The following GSAP variants were observed in gnomAD, a reference collection of about 807,000 sequenced individuals.
GSAP encodes the protein gamma-secretase activating protein, also known as gamma-secretase-activating protein.
In GSAP, 118 loss-of-function variants were observed where a neutral mutation model predicts 131.7. That is an observed-to-expected ratio of 0.90 (90% CI 0.77 to 1.04). The LOEUF (loss-of-function observed/expected upper bound fraction) is 1.04, where lower values mean the gene tolerates loss of function less well. Among genes scored for constraint, GSAP ranks in the 50% least tolerant of loss-of-function variants. The pLI is 0.00. For missense variants in GSAP, 1,019 were observed against 1,013.2 expected (o/e 1.01, Z -0.08); for synonymous variants, 381 against 363.4 (o/e 1.05, Z -0.55).
rs934159869 is a variant in GSAP, at chr7:77,335,167, A to G, written c.1546-4800T>C. 3.3e-5 allele frequency among the ~76,000 whole-genome samples: 5 copies of G among 152,290 alleles called. No homozygotes were observed. In the East Asian group the frequency reaches 7.7e-4, roughly 24 times the overall value. The stretch of plus-strand genomic sequence containing the variant: ...GCAATCCCAGCACTTTGGGAGGCCA[A>G]GATGCGTGGATCACTTGAGCTCAGA... On this transcript the variant is annotated intron_variant, in intron 19 of 30. Transcript: ENST00000257626.
At chr7:77,334,960 G>C (rs1416925563) in intron 19 of GSAP, among the ~76,000 whole-genome samples, 2 of 152,048 alleles carry the variant, frequency 1.3e-5, no homozygotes, top group African/African-American at 2.4e-5. Flanking sequence ...GCGGGCGCCT[G>C]TAATCCCAGC....
chr7:77,401,030 G>A, intron 3 of GSAP, among the ~76,000 whole-genome samples: 1 of 148,872 alleles, frequency 6.7e-6, no homozygotes, highest in Non-Finnish European at 1.5e-5. Context: ...AACAATAGAA[G>A]TTACCTAATT....
intron 1 of GSAP, among the ~76,000 whole-genome samples, chr7:77,412,551 A>T (rs2151224159): frequency 6.6e-6 from 1 of 152,252 alleles, no homozygotes; most frequent in African/African-American, 2.4e-5. Context: ...AGGCACCATC[A>T]CAAACCGAAA....
intron 12 of GSAP, among the ~76,000 whole-genome samples, chr7:77,370,985 A>C (rs1460835672): frequency 6.6e-6 from 1 of 151,944 alleles, no homozygotes; most frequent in Non-Finnish European, 1.5e-5. Context: ...CCTAACCTTT[A>C]TATATTTATG....
At chr7:77,327,798 A>C (rs897623164) in intron 22 of GSAP, among the ~76,000 whole-genome samples, 38 of 151,890 alleles carry the variant, frequency 2.5e-4, no homozygotes, top group Non-Finnish European at 5.1e-4. Context: ...CCCTCTGGGG[A>C]GCCTCTTCCA....
intron 16 of GSAP, 186 bp from the exon 17 acceptor site, chr7:77,353,827 T>G (rs755066983): frequency 4.2e-6 from 2 of 478,474 alleles, no homozygotes; most frequent in Non-Finnish European, 7.4e-6. Context: ...AACGGTATTT[T>G]ATAAGTGAGA....
intron 12 of GSAP, among the ~76,000 whole-genome samples, chr7:77,373,405 TAACTC>T (rs1219842446): frequency 3.9e-5 from 6 of 152,334 alleles, no homozygotes; most frequent in African/African-American, 7.2e-5. Flanking sequence ...AAATGCTACT[TAACTC>T]AAGTAGTAAA....
chr7:77,368,513 G>T (rs1795643305), intron 12 of GSAP, among the ~76,000 whole-genome samples: 2 of 152,208 alleles, frequency 1.3e-5, no homozygotes, highest in African/African-American at 4.8e-5. Flanking sequence ...AGATGCCCAG[G>T]TTCCACATCA....
intron 18 of GSAP, 89 bp downstream of exon 18, chr7:77,352,855 C>A: frequency 2.7e-6 from 2 of 731,432 alleles, no homozygotes; most frequent in Non-Finnish European, 4.7e-6. Flanking sequence ...GAAATCACGA[C>A]CTTGATGGCT....
At chr7:77,357,305 T>A (rs1206503721) in intron 14 of GSAP, among the ~76,000 whole-genome samples, 1 of 152,156 alleles carries the variant, frequency 6.6e-6, no homozygotes, top group Non-Finnish European at 1.5e-5. Flanking sequence ...CTCCTGAAGA[T>A]ATGCACGTGC....
rs1186329601 is a variant in GSAP, at chr7:77,349,296, C to G, written c.1545+55G>C. 3.0e-6 allele frequency: 4 copies of G among 1,341,250 alleles called. No homozygotes were observed. The East Asian group carries it at 6.9e-5, about 23-fold the overall frequency. 83.1% of individuals were successfully genotyped at this position (1,341,250 alleles called of 1,614,324 possible). A position where few individuals can be genotyped will look rare whatever the true frequency, so the allele number is the denominator to read the frequency against. On this transcript the variant is annotated intron_variant, in intron 19 of 30. Transcript: ENST00000257626. The stretch of plus-strand genomic sequence containing the variant: ...TTTTGGAACCACCATAATACTCAGG[C>G]AGCAGAGCTTTAGTCATGTATCTGT...
At chr7:77,383,414 C>G (rs376254060) in intron 6 of GSAP, among the ~76,000 whole-genome samples, 5 of 152,098 alleles carry the variant, frequency 3.3e-5, no homozygotes, top group Non-Finnish European at 7.4e-5. Flanking sequence ...ATATTCCCCA[C>G]GACAGCTTCC....
At position 77,404,420 on chromosome 7, in the gene GSAP, A is replaced by G. The variant is rs1236980695; in HGVS notation, c.243+139T>C. The G allele has an allele frequency of 4.5e-6, 3 of 664,784 alleles. No individual in the cohort carries two copies. The African/African-American group carries it at 5.5e-5, about 12-fold the overall frequency. 41.2% of individuals were successfully genotyped at this position (664,784 alleles called of 1,614,324 possible). ...CTACCCTGGTCTGTGTGTATGCCTCAAATTGCAATTCTGTTTTTTCAAATA... is the reference window on the plus strand; with the variant it reads ...CTACCCTGGTCTGTGTGTATGCCTCGAATTGCAATTCTGTTTTTTCAAATA... On this transcript the variant is annotated intron_variant, in intron 3 of 30. Transcript: ENST00000257626.
intron 28 of GSAP, 46 bp downstream of exon 28, chr7:77,313,442 G>T: frequency 1.1e-6 from 1 of 942,052 alleles, no homozygotes; most frequent in Non-Finnish European, 1.7e-6. Context: ...TTGAAGGAGG[G>T]TAATGCCAAA....
intron 19 of GSAP, among the ~76,000 whole-genome samples, chr7:77,332,711 A>G (rs1025373744): frequency 6.6e-6 from 1 of 152,228 alleles, no homozygotes; most frequent in African/African-American, 2.4e-5. Flanking sequence ...ACTGTTAGCC[A>G]AACATCCCAA....
Position 77,353,568 on chromosome 7 carries a change from T to G in GSAP, c.1408+4A>C. On this transcript the variant is annotated splice_donor_region_variant and intron_variant, in intron 17 of 30. Transcript: ENST00000257626. ...ACTTAAGCTGCAACATCAGCAACAC[T>G]TACCAATTATAAATTCCTGAATGAG... The G allele has an allele frequency of 6.3e-7, 1 of 1,597,830 alleles. No individual in the cohort carries two copies. Among genetic ancestry groups the G allele is most frequent in the Non-Finnish European group, 8.6e-7 (1 of 1,166,234 alleles).
intron 12 of GSAP, among the ~76,000 whole-genome samples, chr7:77,364,282 T>A (rs1794950126): frequency 6.6e-6 from 1 of 152,060 alleles, no homozygotes; most frequent in Admixed American, 6.6e-5. Context: ...TAGGATTCTA[T>A]CCTGGGAAAT....
At chr7:77,416,113 C>T (rs1804391192) in intron 1 of GSAP, 100 bp downstream of exon 1, 1 of 631,240 alleles carries the variant, frequency 1.6e-6, no homozygotes. Context: ...CTTCTCAGGG[C>T]GGCGACGCCC....
intron 6 of GSAP, among the ~76,000 whole-genome samples, chr7:77,383,414 C>A (rs376254060): frequency 3.3e-5 from 5 of 152,098 alleles, no homozygotes; most frequent in Admixed American, 2.6e-4. Flanking sequence ...ATATTCCCCA[C>A]GACAGCTTCC....
Sources: allele counts gnomAD v4.1 joint callset (sites outside exome capture counted in the v4.1 genomes callset), GRCh38; gene constraint gnomAD v4.1.1; transcripts MANE v1.5; gene names NCBI Gene and HGNC (gene_info 2026-07-23, HGNC 2026-07-21).